VPS54: variants seen among roughly 807,000 people sequenced by gnomAD.
The protein encoded by VPS54 is vacuolar protein sorting-associated protein 54.
VPS54 carries 45 observed loss-of-function variants against 121.5 expected under a neutral mutation model. That is an observed-to-expected ratio of 0.37 (90% confidence interval 0.29 to 0.47). The LOEUF is 0.47. Among genes scored for constraint, VPS54 ranks in the 20% least tolerant of loss-of-function variants. The pLI, the probability that VPS54 is intolerant of heterozygous loss-of-function variation, is 0.99. For synonymous variants in VPS54, 371 were observed against 385.8 expected (o/e 0.96, Z 0.45); for missense variants, 1,090 against 1,131.4 (o/e 0.96, Z 0.52).
Position 63,991,341 on chromosome 2 carries a change from A to G in VPS54, c.-20-7322T>C, listed in dbSNP as rs529867904. Among the ~76,000 whole-genome samples, 21 of 152,328 alleles carry G rather than the reference A, an allele frequency of 1.4e-4. No individual in the cohort carries two copies. The East Asian group carries it at 4.0e-3, about 29-fold the overall frequency. On this transcript the variant is annotated intron_variant, in intron 1 of 22. Transcript: ENST00000272322. ...ATGTTAGCTTTTGAAAATGTGAACC[A>G]TGAGTGTAAAATGGCCATGCATTCC... is the stretch of plus-strand genomic sequence containing the variant.
At chr2:63,901,887 T>C (rs996675811) in intron 20 of VPS54, among the ~76,000 whole-genome samples, 2 of 152,150 alleles carry the variant, frequency 1.3e-5, no homozygotes, top group Non-Finnish European at 2.9e-5. Flanking sequence ...TGGTGGTGCA[T>C]GCCTGTAATC....
At chr2:63,968,892 G>A in intron 5 of VPS54, 65 bp downstream of exon 5, 1 of 1,400,660 alleles carries the variant, frequency 7.1e-7, no homozygotes, top group South Asian at 1.3e-5. Flanking sequence ...AATGAAATCT[G>A]CTTGTAAGGC....
intron 22 of VPS54, among the ~76,000 whole-genome samples, chr2:63,896,196 A>G (rs754954304): frequency 3.9e-5 from 6 of 152,210 alleles, no homozygotes; most frequent in Non-Finnish European, 7.3e-5. Context: ...CTATGTTGGT[A>G]TAACGCTATT....
At chr2:63,979,942 T>C (rs1031232172) in intron 3 of VPS54, among the ~76,000 whole-genome samples, 1 of 152,202 alleles carries the variant, frequency 6.6e-6, no homozygotes, top group African/African-American at 2.4e-5. Context: ...GAAAAAAAAG[T>C]ATATTCTTCT....
intron 3 of VPS54, among the ~76,000 whole-genome samples, chr2:63,979,361 T>G (rs1052447482): frequency 1.3e-5 from 2 of 151,614 alleles, no homozygotes; most frequent in Admixed American, 6.6e-5. Context: ...CACTTCAGCC[T>G]CCTGAGTAGC....
chr2:63,915,653 T>A (rs1209589684), intron 16 of VPS54, among the ~76,000 whole-genome samples: 2 of 152,068 alleles, frequency 1.3e-5, no homozygotes, highest in Non-Finnish European at 2.9e-5. Context: ...AACCAGTAGT[T>A]AAGGAGGGAA....
chr2:63,893,653 A>C, intron 22 of VPS54, 118 bp from the exon 23 acceptor site: 1 of 823,038 alleles, frequency 1.2e-6, no homozygotes, highest in South Asian at 1.8e-5. Context: ...CTTAGTGCCC[A>C]AGTGTCCAAA....
chr2:64,006,012 T>TA (rs1678125712), intron 1 of VPS54, among the ~76,000 whole-genome samples: 1 of 152,216 alleles, frequency 6.6e-6, no homozygotes, highest in Non-Finnish European at 1.5e-5. Flanking sequence ...ATGGCTTGGA[T>TA]ACTCAGTCAT....
chr2:64,000,624 T>C (rs1677828391), intron 1 of VPS54, among the ~76,000 whole-genome samples: 1 of 152,274 alleles, frequency 6.6e-6, no homozygotes, highest in Non-Finnish European at 1.5e-5. Context: ...GCTGTGGTTC[T>C]TGCAGACTTG....
At chr2:64,007,353 A>G (rs866122549) in intron 1 of VPS54, among the ~76,000 whole-genome samples, 1 of 152,220 alleles carries the variant, frequency 6.6e-6, no homozygotes, top group Admixed American at 6.5e-5. Flanking sequence ...ATCTGAGCAT[A>G]GGTCAAAGTT....
intron 17 of VPS54, among the ~76,000 whole-genome samples, chr2:63,913,671 A>T (rs1043317069): frequency 2.0e-5 from 3 of 152,226 alleles, no homozygotes; most frequent in Non-Finnish European, 2.9e-5. Flanking sequence ...AAGTCAGAAC[A>T]TAATTAACAG....
intron 11 of VPS54, among the ~76,000 whole-genome samples, chr2:63,942,120 T>C (rs904838814): frequency 6.6e-6 from 1 of 151,828 alleles, no homozygotes; most frequent in Non-Finnish European, 1.5e-5. Flanking sequence ...ATTGACTTTA[T>C]AGAAAAATTG....
In VPS54 at chr2:63,892,314, G is replaced by GATATTA. The variant is rs1558970764; in HGVS notation, c.*1115_*1116insTAATAT. 6.6e-6 allele frequency: 1 copy of GATATTA among 152,128 alleles called. No individual in the cohort carries two copies. The highest frequency in any genetic ancestry group is 1.5e-5 in the Non-Finnish European group (1 of 68,006). The allele number at this position is 152,128 out of a possible 1,614,324, so 9.4% of individuals were successfully genotyped here. A position where few individuals can be genotyped will look rare whatever the true frequency, so the allele number is the denominator to read the frequency against. On this transcript the variant is annotated 3_prime_UTR_variant, in exon 23 of 23. Transcript: ENST00000272322. ...CCACAGGATATTAGGCACTCTGACA[G>GATATTA]GGTTAGGCAAGATTCTTGGTGTGAG...
intron 1 of VPS54, among the ~76,000 whole-genome samples, chr2:64,007,381 G>C (rs962659723): frequency 2.0e-5 from 3 of 152,164 alleles, no homozygotes; most frequent in African/African-American, 7.2e-5. Context: ...TGGAAGTAGA[G>C]TAGACGAGAT....
intron 7 of VPS54, among the ~76,000 whole-genome samples, chr2:63,958,908 A>C (rs1004696843): frequency 2.0e-5 from 3 of 152,198 alleles, no homozygotes; most frequent in African/African-American, 7.2e-5. Flanking sequence ...AAATGACTAA[A>C]ATATGGACTC....
At chr2:64,017,603 T>C (rs984484467) in intron 1 of VPS54, among the ~76,000 whole-genome samples, 2 of 152,158 alleles carry the variant, frequency 1.3e-5, no homozygotes, top group African/African-American at 4.8e-5. Flanking sequence ...AAGAACAAAA[T>C]ATACGAATAT....
chr2:63,892,324 A>G lies in VPS54; in HGVS notation c.*1106T>C, dbSNP rs1485075713. The stretch of plus-strand genomic sequence containing the variant: ...TTAGGCACTCTGACAGGGTTAGGCA[A>G]GATTCTTGGTGTGAGGTGAAGCACA... On this transcript the variant is annotated 3_prime_UTR_variant, in exon 23 of 23. Transcript: ENST00000272322. The G allele has an allele frequency of 2.0e-5, 3 of 152,170 alleles. 1 individual carries two copies. Among genetic ancestry groups the G allele is most frequent in the Non-Finnish European group, 4.4e-5 (3 of 68,028 alleles). 9.4% of individuals were successfully genotyped at this position (152,170 alleles called of 1,614,324 possible).
intron 12 of VPS54, among the ~76,000 whole-genome samples, chr2:63,925,949 T>TG (rs1428227797): frequency 6.6e-6 from 1 of 152,228 alleles, no homozygotes; most frequent in Non-Finnish European, 1.5e-5. Context: ...TTATAATTGC[T>TG]ACATTTTCCC....
At chr2:64,000,943 C>T (rs1328464455) in intron 1 of VPS54, among the ~76,000 whole-genome samples, 1 of 152,254 alleles carries the variant, frequency 6.6e-6, no homozygotes, top group Admixed American at 6.5e-5. Context: ...GCCAGCCCAG[C>T]TTCTGTCCTT....
Sources: gnomAD v4.1 joint callset for allele counts (sites outside exome capture counted in the v4.1 genomes callset) on GRCh38, gnomAD v4.1.1 for gene constraint, MANE v1.5 for transcripts, NCBI Gene and HGNC (gene_info 2026-07-23, HGNC 2026-07-21) for gene names.